TYMP: variants seen among roughly 807,000 people sequenced by gnomAD.
The protein encoded by TYMP is thymidine phosphorylase, also known as gliostatin.
A neutral mutation model predicts 42.3 loss-of-function variants in TYMP; 46 were observed. The ratio of observed to expected loss-of-function variants is 1.09; its 90% CI spans 0.86 to 1.39. TYMP has a LOEUF of 1.39. TYMP is among the 40% of genes most tolerant of loss of function. TYMP has a pLI of 0.00. For synonymous variants in TYMP, 363 were observed against 308.0 expected, an observed-to-expected ratio of 1.18 and a Z score of -1.87; for missense variants, 837 against 677.6, an observed-to-expected ratio of 1.24 and a Z score of -2.61.
intron 7 of TYMP, 36 bp from the exon 8 acceptor site, chr22:50,526,512 CG>C (rs1248379109): frequency 4.1e-5 from 63 of 1,528,352 alleles, no homozygotes; most frequent in Non-Finnish European, 5.3e-5. Context: ...GCGGCCGGGT[CG>C]GGGCGGCCCC....
At chr22:50,528,835 G>A in intron 3 of TYMP, 1 of 620,892 alleles carries the variant, frequency 1.6e-6, no homozygotes, top group East Asian at 2.7e-5. Flanking sequence ...TGGGGCAGAG[G>A]GAGGAAAGTC....
Sources: gnomAD v4.1 joint callset for allele counts on GRCh38, gnomAD v4.1.1 for gene constraint, MANE v1.5 for transcripts, NCBI Gene and HGNC (gene_info 2026-07-23, HGNC 2026-07-21) for gene names.